The following VTI1A variants were observed in gnomAD, a reference collection of about 807,000 sequenced individuals.
The protein encoded by VTI1A is vesicle transport through interaction with t-SNAREs 1A.
Under a neutral mutation model 34.9 loss-of-function variants are expected in VTI1A, and 22 were observed. That is an observed-to-expected ratio of 0.63 (90% CI 0.45 to 0.90). The LOEUF (loss-of-function observed/expected upper bound fraction) is 0.90. Among genes scored for constraint, VTI1A ranks in the 40% least tolerant of loss-of-function variants. The pLI is 0.00. For synonymous variants in VTI1A, 87 were observed against 97.3 expected (o/e 0.89, Z 0.62); for missense variants, 268 against 275.6 (o/e 0.97, Z 0.20).
At chr10:112,542,124 C>A (rs549943422) in intron 5 of VTI1A, among the ~76,000 whole-genome samples, 1 of 152,214 alleles carries the variant, frequency 6.6e-6, no homozygotes, top group South Asian at 2.1e-4. Flanking sequence ...AATGATGATT[C>A]TTCTTTTCTC....
intron 3 of VTI1A, among the ~76,000 whole-genome samples, chr10:112,468,108 G>A (rs933868769): frequency 6.6e-6 from 1 of 152,208 alleles, no homozygotes; most frequent in Admixed American, 6.5e-5. Flanking sequence ...GAAGAAACGT[G>A]TGTGTGCTTG....
the VTI1A span, chr10:112,831,921 A>C: frequency 6.6e-6 from 1 of 152,296 alleles, no homozygotes; most frequent in African/African-American, 2.4e-5. Flanking sequence ...ATGCGCTGCA[A>C]GTCTAATGAT....
chr10:112,772,509 T>C (rs1284917724), intron 7 of VTI1A, among the ~76,000 whole-genome samples: 1 of 152,248 alleles, frequency 6.6e-6, no homozygotes, highest in Non-Finnish European at 1.5e-5. Flanking sequence ...CTTACTTTCT[T>C]GATAGTGTCC....
downstream of VTI1A, among the ~76,000 whole-genome samples, chr10:112,821,325 TC>T (rs1305281740): frequency 6.6e-6 from 1 of 151,430 alleles, no homozygotes; most frequent in Non-Finnish European, 1.5e-5. Flanking sequence ...CAGCCTCCTC[TC>T]CCCCTCCCAC....
intron 7 of VTI1A, among the ~76,000 whole-genome samples, chr10:112,711,643 G>A (rs573129252): frequency 2.6e-5 from 4 of 152,242 alleles, no homozygotes; most frequent in South Asian, 2.1e-4. Context: ...TCCCACACAC[G>A]GTTGGTGTAA....
At chr10:112,583,968 G>A (rs1844052519) in intron 5 of VTI1A, among the ~76,000 whole-genome samples, 1 of 152,132 alleles carries the variant, frequency 6.6e-6, no homozygotes, top group South Asian at 2.1e-4. Context: ...AAGTTGCCTT[G>A]TCATATGGCA....
At chr10:112,447,890 T>C (rs1409869598) in intron 1 of VTI1A, among the ~76,000 whole-genome samples, 2 of 152,134 alleles carry the variant, frequency 1.3e-5, no homozygotes, top group Non-Finnish European at 2.9e-5. Flanking sequence ...TGCGGCAAAA[T>C]AGAGGTAAGA....
At chr10:112,718,104 G>A (rs1039952183) in intron 7 of VTI1A, among the ~76,000 whole-genome samples, 2 of 152,124 alleles carry the variant, frequency 1.3e-5, no homozygotes, top group Admixed American at 6.5e-5. Flanking sequence ...TTATAAGGAT[G>A]TATCCTGTTG....
At chr10:112,531,280 GA>G (rs1000657045) in intron 4 of VTI1A, among the ~76,000 whole-genome samples, 23 of 151,564 alleles carry the variant, frequency 1.5e-4, no homozygotes, top group South Asian at 2.1e-4. Flanking sequence ...TGCATTGGGG[GA>G]AAAAAAATCT....
chr10:112,818,216 A>G lies in VTI1A; in HGVS notation c.*2833A>G. On this transcript the variant is annotated 3_prime_UTR_variant, in exon 8 of 8. Transcript: ENST00000393077. ...TCAAAGGCTGAAATTAATGGTGAAC[A>G]AAATTGTGCGGCTCTGGCCATCCCA... 1 of 233,372 alleles carries G rather than the reference A, an allele frequency of 4.3e-6. No homozygotes were observed. Among genetic ancestry groups the G allele is most frequent in the Non-Finnish European group, 8.5e-6 (1 of 117,802 alleles). 14.5% of individuals were successfully genotyped at this position (233,372 alleles called of 1,614,324 possible).
chr10:112,664,021 G>A (rs1300589057), intron 5 of VTI1A, among the ~76,000 whole-genome samples: 1 of 152,158 alleles, frequency 6.6e-6, no homozygotes, highest in African/African-American at 2.4e-5. Context: ...TACTAAAATT[G>A]TTGGTGAAGT....
intron 5 of VTI1A, among the ~76,000 whole-genome samples, chr10:112,654,598 T>G (rs1005640334): frequency 6.6e-6 from 1 of 152,096 alleles, no homozygotes; most frequent in African/African-American, 2.4e-5. Flanking sequence ...GTTCACGCCA[T>G]TCTCCTGCCT....
intron 7 of VTI1A, among the ~76,000 whole-genome samples, chr10:112,707,255 C>T (rs1287446167): frequency 6.6e-6 from 1 of 151,998 alleles, no homozygotes; most frequent in Non-Finnish European, 1.5e-5. Context: ...GCAGCCTCAG[C>T]CTTCCCGGGG....
At chr10:112,650,464 T>TC (rs1232810918) in intron 5 of VTI1A, among the ~76,000 whole-genome samples, 2 of 151,648 alleles carry the variant, frequency 1.3e-5, no homozygotes, top group Admixed American at 1.3e-4. Flanking sequence ...TCTTCACATT[T>TC]TTTTTTAAAT....
At chr10:112,549,039 A>G (rs1851246289) in intron 5 of VTI1A, among the ~76,000 whole-genome samples, 1 of 152,026 alleles carries the variant, frequency 6.6e-6, no homozygotes, top group African/African-American at 2.4e-5. Context: ...GCCAGGTACA[A>G]TGTAACATCT....
chr10:112,453,610 CT>C (rs1196014201), intron 1 of VTI1A, among the ~76,000 whole-genome samples: 1 of 151,796 alleles, frequency 6.6e-6, no homozygotes, highest in Non-Finnish European at 1.5e-5. Context: ...CATTGGGAGC[CT>C]TTTTTTTAAT....
chr10:112,485,696 A>G (rs533725200), intron 3 of VTI1A, among the ~76,000 whole-genome samples: 12 of 152,368 alleles, frequency 7.9e-5, no homozygotes, highest in African/African-American at 2.4e-4. Flanking sequence ...AGCCTTGACA[A>G]TGTAACAAAT....
intron 5 of VTI1A, among the ~76,000 whole-genome samples, chr10:112,552,929 A>G (rs1254382551): frequency 6.6e-6 from 1 of 152,198 alleles, no homozygotes; most frequent in Non-Finnish European, 1.5e-5. Flanking sequence ...GCTCAAATTA[A>G]ACACTGTAAG....
chr10:112,568,002 G>A (rs1851970541), intron 5 of VTI1A, among the ~76,000 whole-genome samples: 1 of 152,178 alleles, frequency 6.6e-6, no homozygotes, highest in African/African-American at 2.4e-5. Flanking sequence ...GTACTTGGCA[G>A]TTAAGCTTGT....
Sources: allele counts gnomAD v4.1 joint callset (sites outside exome capture counted in the v4.1 genomes callset), GRCh38; gene constraint gnomAD v4.1.1; transcripts MANE v1.5; gene names NCBI Gene and HGNC (gene_info 2026-07-23, HGNC 2026-07-21).